NPTN: variants seen among roughly 807,000 people sequenced by gnomAD.
The protein encoded by NPTN is SDR-1.
A neutral mutation model predicts 42.7 loss-of-function variants in NPTN; 5 were observed. That is an observed-to-expected ratio of 0.12 (90% CI 0.06 to 0.25). NPTN has a LOEUF of 0.25. NPTN is among the 10% of genes least tolerant of loss of function. NPTN has a pLI of 1.00. For missense variants in NPTN, 307 were observed against 525.4 expected (o/e 0.58, Z 4.06); for synonymous variants, 180 against 201.9 (o/e 0.89, Z 0.92).
intron 2 of NPTN, among the ~76,000 whole-genome samples, chr15:73,595,341 T>C (rs1034667413): frequency 6.6e-6 from 1 of 151,710 alleles, no homozygotes; most frequent in Non-Finnish European, 1.5e-5. Flanking sequence ...GGTAAAAATA[T>C]TGTTAAAAAA....
At chr15:73,605,910 C>T (rs1252685399) in intron 1 of NPTN, among the ~76,000 whole-genome samples, 1 of 151,656 alleles carries the variant, frequency 6.6e-6, no homozygotes, top group African/African-American at 2.4e-5. Flanking sequence ...TCAGAAAATA[C>T]TATGGCCATC....
At chr15:73,565,157 T>G (rs960906178) in intron 6 of NPTN, among the ~76,000 whole-genome samples, 1 of 152,216 alleles carries the variant, frequency 6.6e-6, no homozygotes, top group Non-Finnish European at 1.5e-5. Context: ...GTGGGAGCAG[T>G]TGAGATTCAC....
Position 73,597,155 on chromosome 15 carries a change from T to C in NPTN, c.306A>G (p.Arg102=), listed in dbSNP as rs1469095932. ...AGTCCTCCAAGGTGAGCCGGGTTAT[T>C]CTCAGCACACTCACGCCGTTTGACC... ...AYGSNGVSVL[R]ITRLTLEDSG... is the part of the protein sequence containing the mutation. The change falls in exon 2 of 9, where the codon AGA becomes AGG. Residue 102 remains arginine, a synonymous_variant. Transcript: ENST00000345330. The surrounding 1 kb of genome is among the most constrained non-coding windows in gnomAD (Gnocchi z 6.3). 1 of 1,614,128 alleles carries C rather than the reference T, an allele frequency of 6.2e-7. No homozygotes were observed. The highest frequency in any genetic ancestry group is 2.2e-5 in the East Asian group (1 of 44,858).
At position 73,597,829 on chromosome 15, in the gene NPTN, C is replaced by T. The variant is rs74850640; in HGVS notation, c.92-460G>A. On this transcript the variant is annotated intron_variant, in intron 1 of 8. Transcript: ENST00000345330. The surrounding 1 kb of genome is among the most constrained non-coding windows in gnomAD (Gnocchi z 6.3). ...AGGATCTCTCTTTTGGATGGGCAAA[C>T]GCTTTGTTAGAAATGCAGTGTCTTT... 2.1e-3 allele frequency among the ~76,000 whole-genome samples: 316 copies of T among 152,308 alleles called. 1 individual carries two copies. Among genetic ancestry groups the T allele is most frequent in the African/African-American group, 7.3e-3 (302 of 41,560 alleles).
chr15:73,586,807 T>C (rs1896340955), intron 4 of NPTN, among the ~76,000 whole-genome samples: 1 of 152,144 alleles, frequency 6.6e-6, no homozygotes, highest in South Asian at 2.1e-4. Context: ...AAACATTGGA[T>C]TGGGGGTCAA....
At position 73,569,342 on chromosome 15, in the gene NPTN, T is replaced by C; in HGVS notation, c.1114+808A>G. ...CAAGGCTTTTCTGACTCTAGGCATA[T>C]CCAATAACCTAAGATTTCAGCTCTT... On this transcript the variant is annotated intron_variant, in intron 6 of 8. Transcript: ENST00000345330. This position sits in a 1 kb window ranked among gnomAD's most constrained non-coding sequence, Gnocchi z 4.1. 1.0e-6 allele frequency: 1 copy of C among 985,504 alleles called. No individual in the cohort carries two copies. Among genetic ancestry groups the C allele is most frequent in the Non-Finnish European group, 1.2e-6 (1 of 829,990 alleles). 61.0% of individuals were successfully genotyped at this position (985,504 alleles called of 1,614,324 possible).
At chr15:73,602,072 C>G (rs1395901713) in intron 1 of NPTN, among the ~76,000 whole-genome samples, 3 of 152,108 alleles carry the variant, frequency 2.0e-5, no homozygotes, top group Admixed American at 2.0e-4. Flanking sequence ...AAGTTGAGCC[C>G]AATCCCAGGA....
Position 73,570,512 on chromosome 15 carries a change from G to T in NPTN, c.841-89C>A. ...TGACACTGCTCTCCGTTCTTTTTAG[G>T]CACCAGCCAGAATGAGGAAGCAGTG... On this transcript the variant is annotated intron_variant, in intron 5 of 8. Coordinates refer to ENST00000345330, the MANE Select transcript of NPTN (RefSeq NM_012428.4). The surrounding 1 kb of genome is among the most constrained non-coding windows in gnomAD (Gnocchi z 4.0). 1 of 1,200,072 alleles carries T rather than the reference G, an allele frequency of 8.3e-7. No homozygotes were observed. Among genetic ancestry groups the T allele is most frequent in the Non-Finnish European group, 1.2e-6 (1 of 839,412 alleles). 74.3% of individuals were successfully genotyped at this position (1,200,072 alleles called of 1,614,324 possible).
At chr15:73,594,362 T>C (rs1279981168) in intron 2 of NPTN, among the ~76,000 whole-genome samples, 2 of 152,250 alleles carry the variant, frequency 1.3e-5, no homozygotes, top group Non-Finnish European at 2.9e-5. Flanking sequence ...GAAAGCAACC[T>C]GGTAGACTTT....
At position 73,597,411 on chromosome 15, in the gene NPTN, G is replaced by T. The variant is rs75691546; in HGVS notation, c.92-42C>A. On this transcript the variant is annotated intron_variant, in intron 1 of 8. Coordinates refer to ENST00000345330, the MANE Select transcript of NPTN (RefSeq NM_012428.4). This position sits in a 1 kb window ranked among gnomAD's most constrained non-coding sequence, Gnocchi z 6.3. ...CAGGAATGCAGTGACAGGCCAATCA[G>T]AAAAAAAAAAAAGAATCAACAGGTG... is the stretch of plus-strand genomic sequence containing the variant. The T allele has an allele frequency of 4.3e-5, 44 of 1,017,590 alleles. No individual in the cohort carries two copies. The highest frequency in any genetic ancestry group is 2.4e-4 in the Middle Eastern group (1 of 4,098). 63.0% of individuals were successfully genotyped at this position (1,017,590 alleles called of 1,614,324 possible). A position where few individuals can be genotyped will look rare whatever the true frequency, so the allele number is the denominator to read the frequency against.
At chr15:73,608,173 A>C (rs1277290609) in intron 1 of NPTN, among the ~76,000 whole-genome samples, 3 of 152,184 alleles carry the variant, frequency 2.0e-5, no homozygotes, top group East Asian at 1.9e-4. Flanking sequence ...AGGATGCTTC[A>C]ATTTACCATT....
chr15:73,583,828 G>A (rs1371598375), intron 4 of NPTN, among the ~76,000 whole-genome samples: 1 of 152,148 alleles, frequency 6.6e-6, no homozygotes, highest in African/African-American at 2.4e-5. Context: ...TGGAGATGCT[G>A]TGCATGCTGA....
chr15:73,580,273 G>A (rs564791404), intron 4 of NPTN, among the ~76,000 whole-genome samples: 1 of 150,790 alleles, frequency 6.6e-6, no homozygotes, highest in Admixed American at 6.6e-5. Context: ...TGCATGTGGG[G>A]CTTAAAACCT....
At chr15:73,600,581 A>C (rs1177090318) in intron 1 of NPTN, among the ~76,000 whole-genome samples, 2 of 152,254 alleles carry the variant, frequency 1.3e-5, no homozygotes, top group Non-Finnish European at 2.9e-5. Context: ...CCAAAGTGAA[A>C]GCATGGTCTC....
chr15:73,591,341 G>GT (rs959894121), intron 3 of NPTN, among the ~76,000 whole-genome samples: 2 of 152,164 alleles, frequency 1.3e-5, no homozygotes, highest in African/African-American at 4.8e-5. Context: ...ATTCTGCAAG[G>GT]TGGGGTGCCA....
intron 3 of NPTN, among the ~76,000 whole-genome samples, chr15:73,588,488 C>G (rs993907042): frequency 2.6e-5 from 4 of 152,202 alleles, no homozygotes; most frequent in African/African-American, 9.6e-5. Context: ...AGCAAAAAGT[C>G]TGGTGATAAA....
chr15:73,566,940 G>C, intron 6 of NPTN: 1 of 793,590 alleles, frequency 1.3e-6, no homozygotes, highest in Non-Finnish European at 1.5e-6. Context: ...AATGCAGGTG[G>C]GTGTTTTCAT....
intron 7 of NPTN, among the ~76,000 whole-genome samples, chr15:73,562,654 CTT>C (rs761539457): frequency 9.8e-5 from 15 of 152,322 alleles, no homozygotes; most frequent in African/African-American, 1.2e-4. Context: ...TACCCTCTCT[CTT>C]GGATACGAGC....
chr15:73,587,664 C>CA, intron 3 of NPTN, 46 bp from the exon 4 acceptor site: 3 of 1,361,722 alleles, frequency 2.2e-6, no homozygotes, highest in Non-Finnish European at 3.2e-6. Context: ...TGGGAACGGT[C>CA]AAAATATAAA....
Sources: allele counts gnomAD v4.1 joint callset (sites outside exome capture counted in the v4.1 genomes callset), GRCh38; gene constraint gnomAD v4.1.1; non-coding constraint Gnocchi (gnomAD v3.1); transcripts MANE v1.5; gene names NCBI Gene and HGNC (gene_info 2026-07-23, HGNC 2026-07-21).